Variants in PXDN observed in about 807,000 individuals in gnomAD.
PXDN encodes the protein peroxidasin homolog.
PXDN carries 77 observed loss-of-function variants against 140.3 expected under a neutral mutation model. That is an observed-to-expected ratio of 0.55 (90% CI 0.46 to 0.66). The LOEUF is 0.66. PXDN is among the 30% of genes least tolerant of loss of function. The probability of loss-of-function intolerance (pLI) is 0.00; values close to 1 mark genes in which losing one functional copy is unlikely to be tolerated. For synonymous variants in PXDN, 911 were observed against 857.4 expected (o/e 1.06, Z -1.09); for missense variants, 1,838 against 2,039.5 (o/e 0.90, Z 1.90).
intron 12 of PXDN, among the ~76,000 whole-genome samples, chr2:1,663,234 C>G (rs1475471158): frequency 6.6e-6 from 1 of 152,128 alleles, no homozygotes; most frequent in Non-Finnish European, 1.5e-5. Flanking sequence ...TGGGAGCTGA[C>G]TTGATTAGAC....
In PXDN at chr2:1,649,161, G is replaced by T; in HGVS notation, c.2619C>A (p.Ala873=). The T allele has an allele frequency of 6.2e-7, 1 of 1,609,374 alleles. No homozygotes were observed. The highest frequency in any genetic ancestry group is 8.5e-7 in the Non-Finnish European group (1 of 1,177,966). ...TGGAGCGCACGAAGAACATGCAGCG[G>T]GCCCCGCTCCTGGCCCGGGAGTCAT... ...PPNDSRARSG[A]RCMFFVRSSP... Residue 873 remains alanine (A), a synonymous_variant, in exon 17 of 23, where the codon GCC becomes GCA. Coordinates refer to ENST00000252804, the MANE Select transcript of PXDN (RefSeq NM_012293.3). This position sits in a 1 kb window ranked among gnomAD's most constrained non-coding sequence, Gnocchi z 7.1.
At chr2:1,732,412 T>TCA (rs964922294) in intron 1 of PXDN, among the ~76,000 whole-genome samples, 2 of 150,540 alleles carry the variant, frequency 1.3e-5, no homozygotes, top group Non-Finnish European at 3.0e-5. Context: ...GATCACAGGG[T>TCA]CACACACACA....
Position 1,687,815 on chromosome 2 carries a change from T to G in PXDN, c.345-112A>C. ...GACAGTTTTACAATTAATGACTGTA[T>G]TAGAATGCAAACAAACCATCTGCAC... On this transcript the variant is annotated intron_variant, in intron 3 of 22. Coordinates refer to ENST00000252804, the MANE Select transcript of PXDN (RefSeq NM_012293.3). This position sits in a 1 kb window ranked among gnomAD's most constrained non-coding sequence, Gnocchi z 4.0. The G allele has an allele frequency of 3.8e-6, 3 of 781,068 alleles. No individual in the cohort carries two copies. The highest frequency in any genetic ancestry group is 6.1e-6 in the Non-Finnish European group (3 of 494,022). 48.4% of individuals were successfully genotyped at this position (781,068 alleles called of 1,614,324 possible).
intron 15 of PXDN, 177 bp from the exon 16 acceptor site, chr2:1,653,962 A>T: frequency 1.4e-6 from 1 of 722,268 alleles, no homozygotes; most frequent in Non-Finnish European, 2.2e-6. Flanking sequence ...CAAAACAAAC[A>T]GACAAAAACC....
At chr2:1,657,523 C>T (rs994339269) in intron 14 of PXDN, among the ~76,000 whole-genome samples, 7 of 151,794 alleles carry the variant, frequency 4.6e-5, no homozygotes, top group African/African-American at 7.3e-5. Flanking sequence ...ACGTCCCCCT[C>T]CTGACTGGGA....
chr2:1,731,898 G>T (rs1685321683), intron 1 of PXDN, among the ~76,000 whole-genome samples: 1 of 152,176 alleles, frequency 6.6e-6, no homozygotes, highest in Non-Finnish European at 1.5e-5. Flanking sequence ...AAGACAGATG[G>T]AGAACACCAG....
chr2:1,643,292 G>A (rs1682769872), intron 19 of PXDN, 76 bp downstream of exon 19: 1 of 1,385,676 alleles, frequency 7.2e-7, no homozygotes, highest in Non-Finnish European at 1.0e-6. Context: ...GACATCTGCA[G>A]GTCATTAAGC....
At position 1,739,367 on chromosome 2, in the gene PXDN, G is replaced by A. The variant is rs112846620; in HGVS notation, c.200+4889C>T. 2.6e-5 allele frequency among the ~76,000 whole-genome samples: 4 copies of A among 152,230 alleles called. No homozygotes were observed. The East Asian group carries it at 5.8e-4, about 22-fold the overall frequency. On this transcript the variant is annotated intron_variant, in intron 1 of 22. Coordinates refer to ENST00000252804, the MANE Select transcript of PXDN (RefSeq NM_012293.3). ...AGAAAACGATAGAATATCACAGCAT[G>A]TCGACCCTGGATCAAGCCACGCTTG...
At chr2:1,720,378 G>A (rs1174877082) in intron 1 of PXDN, among the ~76,000 whole-genome samples, 1 of 136,068 alleles carries the variant, frequency 7.3e-6, no homozygotes, top group Non-Finnish European at 1.6e-5. Flanking sequence ...AGAGAGGGAG[G>A]GGAGGGATGC....
chr2:1,656,340 T>A (rs1426701819), intron 14 of PXDN, among the ~76,000 whole-genome samples: 1 of 152,248 alleles, frequency 6.6e-6, no homozygotes, highest in Non-Finnish European at 1.5e-5. Flanking sequence ...GCTCTAACCA[T>A]CTCACCCAAT....
intron 12 of PXDN, among the ~76,000 whole-genome samples, chr2:1,662,414 G>A (rs901809266): frequency 1.3e-5 from 2 of 152,198 alleles, no homozygotes; most frequent in African/African-American, 4.8e-5. Context: ...GGCAAGGAGA[G>A]CAAAGCATAG....
In PXDN at chr2:1,742,801, G is replaced by A. The variant is rs180780138; in HGVS notation, c.200+1455C>T. 2.2e-4 allele frequency among the ~76,000 whole-genome samples: 33 copies of A among 152,318 alleles called. No individual in the cohort carries two copies. In the East Asian group the frequency reaches 6.4e-3, roughly 30 times the overall value. ...AAGCCTTGGTCTCTCTGCGGAGGAG[G>A]AGAGGAACTCGGGCCCCCGCCCCGC... On this transcript the variant is annotated intron_variant, in intron 1 of 22. Transcript: ENST00000252804.
intron 14 of PXDN, among the ~76,000 whole-genome samples, chr2:1,657,494 C>T (rs1270037906): frequency 6.6e-6 from 1 of 151,072 alleles, no homozygotes; most frequent in East Asian, 2.0e-4. Context: ...CGACTGAAGC[C>T]TGCCACCTCC....
At chr2:1,716,160 G>C (rs575093444) in intron 1 of PXDN, among the ~76,000 whole-genome samples, 2 of 152,040 alleles carry the variant, frequency 1.3e-5, no homozygotes, top group African/African-American at 4.8e-5. Flanking sequence ...GTGGTGGGCC[G>C]GGCACAGTGG....
intron 1 of PXDN, among the ~76,000 whole-genome samples, chr2:1,704,760 G>A (rs1311952074): frequency 2.0e-5 from 3 of 152,144 alleles, no homozygotes; most frequent in African/African-American, 7.2e-5. Flanking sequence ...TCTTTTCCAA[G>A]GGATGCAGTC....
chr2:1,707,102 C>T (rs111301408), intron 1 of PXDN, among the ~76,000 whole-genome samples: 2 of 82,304 alleles, frequency 2.4e-5, no homozygotes, highest in Admixed American at 1.0e-4. Context: ...TCTAAGAGCA[C>T]GCTGCAGTGC....
chr2:1,673,426 G>A (rs1298624698), intron 9 of PXDN, among the ~76,000 whole-genome samples: 3 of 152,088 alleles, frequency 2.0e-5, no homozygotes, highest in African/African-American at 7.2e-5. Context: ...GACTATGAGT[G>A]TGTCCCCAGA....
At chr2:1,724,312 GTT>G (rs34475212) in intron 1 of PXDN, among the ~76,000 whole-genome samples, 3 of 139,922 alleles carry the variant, frequency 2.1e-5, no homozygotes, top group African/African-American at 2.6e-5. Context: ...CTGAATTTCC[GTT>G]TTTTTTTTTT....
intron 1 of PXDN, among the ~76,000 whole-genome samples, chr2:1,705,583 T>G (rs1684579493): frequency 7.5e-6 from 1 of 134,216 alleles, no homozygotes; most frequent in African/African-American, 2.9e-5. Context: ...CCCCATGACC[T>G]GGAACGCAGG....
Sources: allele counts gnomAD v4.1 joint callset (sites outside exome capture counted in the v4.1 genomes callset), GRCh38; gene constraint gnomAD v4.1.1; non-coding constraint Gnocchi (gnomAD v3.1); transcripts MANE v1.5; gene names NCBI Gene and HGNC (gene_info 2026-07-23, HGNC 2026-07-21).